The following IL1RAPL2 variants were observed in gnomAD, a reference collection of about 807,000 sequenced individuals.
IL1RAPL2 encodes X-linked interleukin-1 receptor accessory protein-like 2.
A neutral mutation model predicts 44.1 loss-of-function variants in IL1RAPL2; 3 were observed. The ratio of observed to expected loss-of-function variants is 0.07; its 90% CI spans 0.03 to 0.18. The LOEUF (loss-of-function observed/expected upper bound fraction) is 0.18. Ranked by LOEUF, IL1RAPL2 falls within the 10% of genes least tolerant of loss-of-function variation. IL1RAPL2 has a pLI of 1.00. For synonymous variants in IL1RAPL2, 181 were observed against 178.8 expected (o/e 1.01, Z -0.10); for missense variants, 391 against 496.4 (o/e 0.79, Z 2.02).
At chrX:105,740,836 C>G (rs1371577221) in intron 8 of IL1RAPL2, 145 bp downstream of exon 8, 1 of 492,990 alleles carries the variant, frequency 2.0e-6, no homozygotes, top group Non-Finnish European at 3.2e-6. Context: ...TTCTCTTGCT[C>G]TGCATATTAG....
intron 6 of IL1RAPL2, among the ~76,000 whole-genome samples, chrX:105,641,123 C>T (rs1174032348): frequency 3.6e-5 from 4 of 111,249 alleles, no homozygotes; most frequent in African/African-American, 9.8e-5. Flanking sequence ...CAAATAAAAA[C>T]GTGAGGCCAT....
intron 5 of IL1RAPL2, among the ~76,000 whole-genome samples, chrX:105,445,867 G>C (rs1209476642): frequency 1.8e-5 from 2 of 111,253 alleles, no homozygotes; most frequent in Non-Finnish European, 3.8e-5. Context: ...TATTTTTCAG[G>C]TGTTAGATGA....
chrX:105,280,200 T>C (rs1338241289), intron 5 of IL1RAPL2, among the ~76,000 whole-genome samples: 3 of 111,902 alleles, frequency 2.7e-5, no homozygotes. Flanking sequence ...ATTTAATAAA[T>C]GGTGTTGGGA....
intron 6 of IL1RAPL2, among the ~76,000 whole-genome samples, chrX:105,606,793 C>T (rs1488471571): frequency 9.0e-6 from 1 of 110,992 alleles, no homozygotes; most frequent in Non-Finnish European, 1.9e-5. Flanking sequence ...ATAAGCCAGG[C>T]ACAGAAATAT....
chrX:105,489,823 T>TCTCTC (rs1362672136), intron 6 of IL1RAPL2, among the ~76,000 whole-genome samples: 3 of 54,360 alleles, frequency 5.5e-5, no homozygotes, highest in African/African-American at 1.2e-4. Flanking sequence ...CTCTCTCTCT[T>TCTCTC]TCTTTTTCTT....
chrX:105,047,830 TG>T (rs1302679097), intron 2 of IL1RAPL2, among the ~76,000 whole-genome samples: 2 of 111,314 alleles, frequency 1.8e-5, no homozygotes, highest in Non-Finnish European at 3.8e-5. Context: ...CAAGAAAAAC[TG>T]GATGACATTA....
chrX:105,738,455 T>A (rs2038468463), intron 7 of IL1RAPL2, among the ~76,000 whole-genome samples: 1 of 111,209 alleles, frequency 9.0e-6, no homozygotes, highest in African/African-American at 3.3e-5. Context: ...TTATGCTGAG[T>A]GCCAGTAAGT....
chrX:104,865,949 C>T (rs775273118), intron 2 of IL1RAPL2, among the ~76,000 whole-genome samples: 1 of 112,301 alleles, frequency 8.9e-6, no homozygotes, highest in African/African-American at 3.2e-5. Context: ...ATAAACTCCC[C>T]TTCATATATA....
intron 2 of IL1RAPL2, among the ~76,000 whole-genome samples, chrX:105,032,714 T>C (rs1181608424): frequency 9.0e-6 from 1 of 111,270 alleles, no homozygotes; most frequent in Non-Finnish European, 1.9e-5. Context: ...TGATTTGGGG[T>C]GGAGAGTTCT....
rs143453505 is a variant in IL1RAPL2, at chrX:105,168,778, T to G, written c.83-26697T>G. On this transcript the variant is annotated intron_variant, in intron 2 of 10. Transcript: ENST00000372582. ...TTTTCTATTCAGGCCTTTAATGGAT[T>G]GTATGAGGCTCACCCACAGTGGGGA... is the stretch of plus-strand genomic sequence containing the variant. Among the ~76,000 whole-genome samples the G allele has an allele frequency of 4.5e-3, 495 of 110,272 alleles. 5 individuals are homozygous for G. The highest frequency in any genetic ancestry group is 0.015 in the African/African-American group (454 of 30,215).
intron 6 of IL1RAPL2, among the ~76,000 whole-genome samples, chrX:105,672,164 G>A (rs754575721): frequency 9.9e-5 from 11 of 110,910 alleles, no homozygotes; most frequent in African/African-American, 3.0e-4. Flanking sequence ...GTTGGTATCC[G>A]TTATCTTTGT....
intron 2 of IL1RAPL2, among the ~76,000 whole-genome samples, chrX:105,036,139 T>G (rs2031624876): frequency 9.0e-6 from 1 of 111,348 alleles, no homozygotes; most frequent in Non-Finnish European, 1.9e-5. Flanking sequence ...AGAAAGACAC[T>G]TTACCTGAAT....
chrX:104,833,170 C>T (rs1474844663), intron 2 of IL1RAPL2, among the ~76,000 whole-genome samples: 6 of 110,848 alleles, frequency 5.4e-5, no homozygotes, highest in Non-Finnish European at 1.1e-4. Context: ...AACAGAGTCT[C>T]ATTCTGCTGC....
intron 2 of IL1RAPL2, among the ~76,000 whole-genome samples, chrX:104,881,994 C>T: frequency 8.9e-6 from 1 of 111,898 alleles, no homozygotes; most frequent in Non-Finnish European, 1.9e-5. Context: ...TCCAAGCTTA[C>T]CACTAAAGAA....
intron 6 of IL1RAPL2, among the ~76,000 whole-genome samples, chrX:105,538,119 C>G (rs965649073): frequency 5.9e-5 from 6 of 101,782 alleles, no homozygotes; most frequent in Non-Finnish European, 1.2e-4. Flanking sequence ...TCACTGCAAG[C>G]TCCGCCTCCT....
chrX:105,122,388 A>G (rs1038385018), intron 2 of IL1RAPL2, among the ~76,000 whole-genome samples: 1 of 111,786 alleles, frequency 8.9e-6, no homozygotes, highest in African/African-American at 3.2e-5. Context: ...AATACAACAG[A>G]GAGTGCTTAG....
chrX:104,706,484 A>T (rs1931365028), intron 2 of IL1RAPL2, among the ~76,000 whole-genome samples: 1 of 111,791 alleles, frequency 8.9e-6, no homozygotes, highest in Admixed American at 9.5e-5. Context: ...CTTTCCAGGT[A>T]CCACAGCTCT....
At chrX:105,612,102 T>C (rs144292769) in intron 6 of IL1RAPL2, among the ~76,000 whole-genome samples, 64 of 110,932 alleles carry the variant, frequency 5.8e-4, no homozygotes, top group Non-Finnish European at 1.0e-3. Context: ...GTTTGTTTGT[T>C]TGTTTGTTTG....
intron 2 of IL1RAPL2, among the ~76,000 whole-genome samples, chrX:104,897,506 C>T (rs777934912): frequency 1.8e-5 from 2 of 112,112 alleles, no homozygotes; most frequent in Non-Finnish European, 3.8e-5. Flanking sequence ...GGTCAAAATG[C>T]TCACAGAGTC....
Sources: allele counts gnomAD v4.1 joint callset (sites outside exome capture counted in the v4.1 genomes callset), GRCh38; gene constraint gnomAD v4.1.1; transcripts MANE v1.5; gene names NCBI Gene and HGNC (gene_info 2026-07-23, HGNC 2026-07-21).